FAM120C: variants seen among roughly 807,000 people sequenced by gnomAD.
FAM120C encodes the protein constitutive coactivator of PPAR-gamma-like protein 2.
FAM120C carries 14 observed loss-of-function variants against 71.2 expected under a neutral mutation model. The observed-to-expected ratio is 0.20, with a 90% CI of 0.13 to 0.31. The LOEUF is 0.31. Among genes scored for constraint, FAM120C ranks in the 10% least tolerant of loss-of-function variants. The pLI, the probability that FAM120C is intolerant of heterozygous loss-of-function variation, is 1.00. For synonymous variants in FAM120C, 354 were observed against 353.2 expected, an observed-to-expected ratio of 1.00 and a Z score of -0.03; for missense variants, 500 against 879.0, an observed-to-expected ratio of 0.57 and a Z score of 5.45.
intron 10 of FAM120C, among the ~76,000 whole-genome samples, chrX:54,096,031 C>A (rs1305268109): frequency 1.8e-5 from 2 of 111,728 alleles, no homozygotes; most frequent in Non-Finnish European, 3.8e-5. Context: ...TAAGTTCATT[C>A]TCATTCAGAA....
chrX:54,124,424 C>T (rs1446274042), intron 9 of FAM120C, among the ~76,000 whole-genome samples: 12 of 48,519 alleles, frequency 2.5e-4, no homozygotes, highest in Admixed American at 8.0e-4. Flanking sequence ...TCTCGTGGTG[C>T]GCCGTTTCTT....
intron 9 of FAM120C, among the ~76,000 whole-genome samples, chrX:54,117,926 T>C (rs1330776069): frequency 6.3e-5 from 7 of 111,193 alleles, no homozygotes; most frequent in African/African-American, 2.3e-4. Context: ...CAACATCTTT[T>C]AGATTCACAA....
rs781977995 is a variant in FAM120C, at chrX:54,182,970, C to T, written c.229G>A (p.Gly77Arg). The change falls in exon 1 of 16, where the codon GGG becomes AGG. Residue 77 changes from glycine to arginine, a missense_variant. Transcript: ENST00000375180. Reference sequence around the variant, plus strand: ...TGGTGCCGAGTCGGCCCCGCGCCCCCGGAGTAGGCACCCAAGGCAGCGGGC... The same window carrying T: ...TGGTGCCGAGTCGGCCCCGCGCCCCTGGAGTAGGCACCCAAGGCAGCGGGC... ...LPPAALGAYS[G>R]GAGPTRHHHP... is the part of the protein sequence containing the mutation. 7.7e-6 allele frequency: 9 copies of T among 1,161,491 alleles called. No homozygotes were observed.
intron 1 of FAM120C, among the ~76,000 whole-genome samples, chrX:54,175,416 T>A (rs970411801): frequency 2.4e-4 from 27 of 110,950 alleles, no homozygotes; most frequent in African/African-American, 8.8e-4. Flanking sequence ...GGTGGGCAGA[T>A]CATGAAGGCA....
chrX:54,125,796 C>T (rs1401871806), intron 9 of FAM120C, among the ~76,000 whole-genome samples: 4 of 112,648 alleles, frequency 3.6e-5, no homozygotes, highest in African/African-American at 9.6e-5. Context: ...TTGCATCACA[C>T]CTGTGTTATC....
chrX:54,101,185 T>C (rs782383529), intron 10 of FAM120C, among the ~76,000 whole-genome samples: 7 of 111,557 alleles, frequency 6.3e-5, no homozygotes, highest in Non-Finnish European at 1.1e-4. Flanking sequence ...TTACGACTTG[T>C]ACCTTCCTGA....
At chrX:54,080,990 C>A (rs959944120) in intron 14 of FAM120C, among the ~76,000 whole-genome samples, 10 of 108,611 alleles carry the variant, frequency 9.2e-5, no homozygotes, top group Non-Finnish European at 1.9e-4. Flanking sequence ...GGCAACATGA[C>A]AAAACCCCAG....
At chrX:54,175,494 C>A (rs1297166343) in intron 1 of FAM120C, among the ~76,000 whole-genome samples, 1 of 109,650 alleles carries the variant, frequency 9.1e-6, no homozygotes, top group Non-Finnish European at 1.9e-5. Flanking sequence ...CTACTAGGTG[C>A]ACAAGATATT....
At chrX:54,140,939 CAAAA>C (rs781968438) in intron 4 of FAM120C, among the ~76,000 whole-genome samples, 1 of 39,176 alleles carries the variant, frequency 2.6e-5, no homozygotes, top group South Asian at 1.2e-3. Flanking sequence ...GACTCCGTCT[CAAAA>C]AAAAAAAAAA....
At chrX:54,168,445 A>G (rs1360482579) in intron 1 of FAM120C, among the ~76,000 whole-genome samples, 3 of 112,191 alleles carry the variant, frequency 2.7e-5, no homozygotes, top group Non-Finnish European at 5.6e-5. Flanking sequence ...TGGTGTTCCT[A>G]ACTTTCTCTT....
chrX:54,087,654 C>T, intron 12 of FAM120C, 101 bp downstream of exon 12: 1 of 789,178 alleles, frequency 1.3e-6, no homozygotes, highest in Non-Finnish European at 1.9e-6. Flanking sequence ...TCTCCTGCTT[C>T]CGCCCCATCC....
chrX:54,079,275 A>G (rs1361208494), intron 15 of FAM120C, among the ~76,000 whole-genome samples: 1 of 108,542 alleles, frequency 9.2e-6, no homozygotes, highest in Non-Finnish European at 1.9e-5. Context: ...AAAAAAAAAA[A>G]AAGAAAAAGA....
At chrX:54,174,616 C>A (rs1557136409) in intron 1 of FAM120C, among the ~76,000 whole-genome samples, 1 of 112,404 alleles carries the variant, frequency 8.9e-6, no homozygotes, top group African/African-American at 3.2e-5. Context: ...TCATATAATG[C>A]AAGTTAAATG....
chrX:54,169,116 A>T (rs1375391529), intron 1 of FAM120C, among the ~76,000 whole-genome samples: 1 of 111,180 alleles, frequency 9.0e-6, no homozygotes, highest in Non-Finnish European at 1.9e-5. Context: ...CAACACAGTG[A>T]GATCCCATCT....
intron 13 of FAM120C, among the ~76,000 whole-genome samples, chrX:54,082,170 G>A (rs1367661653): frequency 9.6e-6 from 1 of 103,915 alleles, no homozygotes; most frequent in African/African-American, 3.5e-5. Context: ...CCTGGGGGAC[G>A]GAGTAAGACT....
chrX:54,071,792 A>G lies in FAM120C; in HGVS notation c.*1241T>C, dbSNP rs1482324002. The G allele has an allele frequency of 9.1e-6, 1 of 110,372 alleles. No homozygotes were observed. The highest frequency in any genetic ancestry group is 9.7e-5 in the Admixed American group (1 of 10,278). The allele number at this position is 110,372 out of a possible 1,213,427, so 9.1% of individuals were successfully genotyped here. A position where few individuals can be genotyped will look rare whatever the true frequency, so the allele number is the denominator to read the frequency against. On this transcript the variant is annotated 3_prime_UTR_variant, in exon 16 of 16. Coordinates refer to ENST00000375180, the MANE Select transcript of FAM120C (RefSeq NM_017848.6). The stretch of plus-strand genomic sequence containing the variant: ...AAAGTACTTTTTGTCTGATTTAGAG[A>G]AGCCCATCCAACTTCTCATAGTTGT...
intron 1 of FAM120C, among the ~76,000 whole-genome samples, chrX:54,166,953 T>C (rs2067262578): frequency 9.1e-6 from 1 of 109,948 alleles, no homozygotes; most frequent in Non-Finnish European, 1.9e-5. Context: ...AAGCAGAACA[T>C]ATTCAGGGAA....
intron 4 of FAM120C, among the ~76,000 whole-genome samples, chrX:54,138,587 G>A (rs904090926): frequency 9.1e-6 from 1 of 110,139 alleles, no homozygotes; most frequent in Non-Finnish European, 1.9e-5. Context: ...AGCACTTTGG[G>A]AGGCCAAGGT....
At chrX:54,091,507 C>T in intron 10 of FAM120C, 81 bp from the exon 11 acceptor site, 1 of 659,337 alleles carries the variant, frequency 1.5e-6, no homozygotes, top group Non-Finnish European at 2.3e-6. Context: ...AAGAACCTAT[C>T]ATGAGCCAGT....
Sources: gnomAD v4.1 joint callset for allele counts (sites outside exome capture counted in the v4.1 genomes callset) on GRCh38, gnomAD v4.1.1 for gene constraint, MANE v1.5 for transcripts, NCBI Gene and HGNC (gene_info 2026-07-23, HGNC 2026-07-21) for gene names.